The following AGBL1 variants were observed in gnomAD, a reference collection of about 807,000 sequenced individuals.
AGBL1 encodes the protein cytosolic carboxypeptidase 4.
A neutral mutation model predicts 118.9 loss-of-function variants in AGBL1; 130 were observed. The observed-to-expected ratio is 1.09, with a 90% confidence interval of 0.95 to 1.26. The LOEUF (loss-of-function observed/expected upper bound fraction) is 1.26. Among genes scored for constraint, AGBL1 ranks in the 50% most tolerant of loss-of-function variants. The pLI, the probability that AGBL1 is intolerant of heterozygous loss-of-function variation, is 0.00. For missense variants in AGBL1, 1,584 were observed against 1,298.1 expected (o/e 1.22, Z -3.38); for synonymous variants, 555 against 478.9 (o/e 1.16, Z -2.08).
chr15:86,216,231 T>TTTA (rs1390558110), intron 5 of AGBL1, among the ~76,000 whole-genome samples: 1 of 151,350 alleles, frequency 6.6e-6, no homozygotes, highest in East Asian at 1.9e-4. Context: ...CTACATGCCA[T>TTTA]TTATTTATTT....
intron 22 of AGBL1, among the ~76,000 whole-genome samples, chr15:86,721,879 C>A (rs1243238052): frequency 6.6e-6 from 1 of 152,080 alleles, no homozygotes; most frequent in African/African-American, 2.4e-5. Flanking sequence ...AACAGAGAGC[C>A]AAATCATGAG....
chr15:86,691,743 C>T (rs1452558242), intron 22 of AGBL1, among the ~76,000 whole-genome samples: 1 of 151,984 alleles, frequency 6.6e-6, no homozygotes, highest in Non-Finnish European at 1.5e-5. Context: ...TCCCATCTGC[C>T]TGAGGCTGTT....
chr15:86,786,812 G>A (rs2078418691), intron 22 of AGBL1, among the ~76,000 whole-genome samples: 1 of 152,174 alleles, frequency 6.6e-6, no homozygotes, highest in Non-Finnish European at 1.5e-5. Context: ...TAGAATTTAT[G>A]CATGTGTTAT....
intron 21 of AGBL1, among the ~76,000 whole-genome samples, chr15:86,575,053 G>T (rs2084067671): frequency 6.6e-6 from 1 of 152,014 alleles, no homozygotes; most frequent in African/African-American, 2.4e-5. Flanking sequence ...GCTGGGCATG[G>T]TGGCAGGTGC....
At chr15:86,467,417 G>A (rs1268087692) in intron 18 of AGBL1, among the ~76,000 whole-genome samples, 1 of 152,196 alleles carries the variant, frequency 6.6e-6, no homozygotes, top group African/African-American at 2.4e-5. Flanking sequence ...CTCTGTTGGG[G>A]TGAGTTCTCC....
intron 3 of AGBL1, among the ~76,000 whole-genome samples, chr15:86,149,085 T>G (rs2077071217): frequency 6.6e-6 from 1 of 152,138 alleles, no homozygotes; most frequent in South Asian, 2.1e-4. Context: ...GCTGAGAGAT[T>G]TTGTCTCTAC....
At chr15:86,762,696 C>T (rs1037153631) in intron 22 of AGBL1, among the ~76,000 whole-genome samples, 1 of 151,954 alleles carries the variant, frequency 6.6e-6, no homozygotes, top group Non-Finnish European at 1.5e-5. Context: ...TGCTGATAAA[C>T]CCTGTGACTT....
chr15:86,832,123 C>A (rs1025664591), intron 22 of AGBL1, among the ~76,000 whole-genome samples: 1 of 152,194 alleles, frequency 6.6e-6, no homozygotes, highest in Non-Finnish European at 1.5e-5. Flanking sequence ...CTGCACAAAG[C>A]AGCAGGGCAC....
intron 21 of AGBL1, among the ~76,000 whole-genome samples, chr15:86,654,992 G>A (rs1645780243): frequency 6.6e-6 from 1 of 152,126 alleles, no homozygotes; most frequent in African/African-American, 2.4e-5. Flanking sequence ...CAGAAAAGCA[G>A]TTGGAGGTCT....
intron 17 of AGBL1, among the ~76,000 whole-genome samples, chr15:86,340,777 C>T (rs540307026): frequency 8.5e-5 from 13 of 152,236 alleles, no homozygotes; most frequent in South Asian, 2.1e-4. Context: ...GCCAGAATTG[C>T]GTATCCAGGT....
Position 86,916,149 on chromosome 15 carries a change from C to T in AGBL1, c.*8855C>T, listed in dbSNP as rs1179772643. 1 of 152,176 alleles carries T rather than the reference C, an allele frequency of 6.6e-6. No homozygotes were observed. The highest frequency in any genetic ancestry group is 2.4e-5 in the African/African-American group (1 of 41,446). The allele number at this position is 152,176 out of a possible 1,614,324, so 9.4% of individuals were successfully genotyped here. On this transcript the variant is annotated 3_prime_UTR_variant, in exon 23 of 23. Transcript: ENST00000614907. ...GACTTTAATAAAACAGAGTGTAAAA[C>T]AACTTTAGATTGACTCCAGCCTTGT...
At chr15:86,240,058 T>C (rs2078617536) in intron 6 of AGBL1, among the ~76,000 whole-genome samples, 1 of 152,176 alleles carries the variant, frequency 6.6e-6, no homozygotes, top group East Asian at 1.9e-4. Context: ...TGGAGTCAGA[T>C]GAGGGGATTT....
Position 86,229,471 on chromosome 15 carries a change from A to G in AGBL1, c.526+4520A>G, listed in dbSNP as rs149191568. ...TGAGGGTAACTGCCCCCGTGATTCA[A>G]TTACCTCCCACCAGGTCCCTTTGAT... is the stretch of plus-strand genomic sequence containing the variant. On this transcript the variant is annotated intron_variant, in intron 6 of 22. Coordinates refer to ENST00000614907, the MANE Select transcript of AGBL1 (RefSeq NM_001386094.1). Among the ~76,000 whole-genome samples, 64 of 152,274 alleles carry G rather than the reference A, an allele frequency of 4.2e-4. 1 individual carries two copies. The South Asian group carries it at 5.2e-3, about 12-fold the overall frequency.
In AGBL1 at chr15:86,410,830, ATATATATAT is replaced by A. The variant is rs1567242791; in HGVS notation, c.2555+13285_2555+13293del. Among the ~76,000 whole-genome samples, 12 of 90,438 alleles carry A rather than the reference ATATATATAT, an allele frequency of 1.3e-4. 2 individuals carry two copies. The highest frequency in any genetic ancestry group is 2.1e-4 in the Non-Finnish European group (10 of 47,830). 59.3% of individuals were successfully genotyped at this position (90,438 alleles called of 152,430 possible). A position where few individuals can be genotyped will look rare whatever the true frequency, so the allele number is the denominator to read the frequency against. ...TAGATATATATATATATATATATAT[ATATATATAT>A]ATAATATACTATTTTATATATAAAA... On this transcript the variant is annotated intron_variant, in intron 18 of 22. Transcript: ENST00000614907.
chr15:86,926,441 C>G (rs781742867), intron 23 of AGBL1, among the ~76,000 whole-genome samples: 9 of 152,158 alleles, frequency 5.9e-5, no homozygotes. Flanking sequence ...TGTAAACAAC[C>G]TCCTTTTAAG....
At chr15:86,834,460 GCTAA>G (rs2079145759) in intron 22 of AGBL1, among the ~76,000 whole-genome samples, 1 of 152,156 alleles carries the variant, frequency 6.6e-6, no homozygotes, top group African/African-American at 2.4e-5. Context: ...GCTGCCACCA[GCTAA>G]AGAGAGCTCC....
At chr15:86,598,345 A>G (rs1276708136) in intron 21 of AGBL1, among the ~76,000 whole-genome samples, 3 of 152,160 alleles carry the variant, frequency 2.0e-5, no homozygotes, top group African/African-American at 7.2e-5. Context: ...CTTTGGACCC[A>G]AGAACGCCAA....
chr15:86,769,861 C>A (rs767945557), intron 22 of AGBL1, among the ~76,000 whole-genome samples: 1 of 151,920 alleles, frequency 6.6e-6, no homozygotes, highest in South Asian at 2.1e-4. Context: ...AAATGCAAAT[C>A]TGGGGAGAGC....
In AGBL1 at chr15:86,876,602, A is replaced by C. The variant is rs117299809; in HGVS notation, c.3159-30485A>C. 4.7e-3 allele frequency among the ~76,000 whole-genome samples: 719 copies of C among 152,316 alleles called. 1 individual carries two copies. Among genetic ancestry groups the C allele is most frequent in the Non-Finnish European group, 8.1e-3 (550 of 68,018 alleles). On this transcript the variant is annotated intron_variant, in intron 22 of 22. Coordinates refer to ENST00000614907, the MANE Select transcript of AGBL1 (RefSeq NM_001386094.1). ...GTTTTCTTCTGGAGCTGGGCTTGGC[A>C]AAGTTATTCTGCAAAGAGTAGTAAG...
Sources: gnomAD v4.1 joint callset for allele counts (sites outside exome capture counted in the v4.1 genomes callset) on GRCh38, gnomAD v4.1.1 for gene constraint, MANE v1.5 for transcripts, NCBI Gene and HGNC (gene_info 2026-07-23, HGNC 2026-07-21) for gene names.